Variants in POU6F2 observed in about 807,000 individuals in gnomAD.
POU6F2 encodes the protein POU class 6 homeobox 2, also known as POU domain, class 6, transcription factor 2.
A neutral mutation model predicts 71.3 loss-of-function variants in POU6F2; 31 were observed. That is an observed-to-expected ratio of 0.43 (90% CI 0.33 to 0.59). The LOEUF (loss-of-function observed/expected upper bound fraction) is 0.59. Ranked by LOEUF, POU6F2 falls within the 20% of genes least tolerant of loss-of-function variation. The probability of loss-of-function intolerance (pLI) is 0.04; values close to 1 mark genes in which losing one functional copy is unlikely to be tolerated. For synonymous variants in POU6F2, 347 were observed against 355.7 expected (o/e 0.98, Z 0.27); for missense variants, 783 against 856.8 (o/e 0.91, Z 1.07).
At chr7:39,242,568 A>C (rs1294666567) in intron 4 of POU6F2, among the ~76,000 whole-genome samples, 2 of 152,022 alleles carry the variant, frequency 1.3e-5, no homozygotes, top group African/African-American at 4.8e-5. Flanking sequence ...GATATGGTAA[A>C]ATCAAAGCTT....
chr7:39,007,919 T>C (rs1215349293), intron 1 of POU6F2, among the ~76,000 whole-genome samples: 1 of 151,608 alleles, frequency 6.6e-6, no homozygotes, highest in Non-Finnish European at 1.5e-5. Context: ...CTTAATCCAG[T>C]CTATCATTGT....
intron 4 of POU6F2, among the ~76,000 whole-genome samples, chr7:39,258,656 A>G (rs1784071057): frequency 6.6e-6 from 1 of 151,966 alleles, no homozygotes; most frequent in South Asian, 2.1e-4. Flanking sequence ...ACCAATAGCC[A>G]CAAATTGTTT....
At chr7:39,236,289 G>T (rs1794674949) in intron 4 of POU6F2, among the ~76,000 whole-genome samples, 1 of 151,992 alleles carries the variant, frequency 6.6e-6, no homozygotes, top group Non-Finnish European at 1.5e-5. Context: ...AGTACTCTGA[G>T]AATATAACTA....
At position 39,227,342 on chromosome 7, in the gene POU6F2, A is replaced by G. The variant is rs557201068; in HGVS notation, c.598+19722A>G. On this transcript the variant is annotated intron_variant, in intron 4 of 9. Coordinates refer to ENST00000518318, the MANE Select transcript of POU6F2 (RefSeq NM_001370959.1). ...TCTTTATTTTTCTATTTTCTCTAAT[A>G]AGAAAAGTGCTAGTCATTTCAGGAA... is the stretch of plus-strand genomic sequence containing the variant. Among the ~76,000 whole-genome samples, 4 of 152,144 alleles carry G rather than the reference A, an allele frequency of 2.6e-5. No individual in the cohort carries two copies. In the South Asian group the frequency reaches 8.3e-4, roughly 32 times the overall value.
In POU6F2 at chr7:39,467,303, G is replaced by A. The variant is rs1789094665; in HGVS notation, c.*2617G>A. Reference sequence around the variant, plus strand: ...AAAAAGGTGCCTGAACCGATTCTTAGGAATATAAATTATACTGTGTAACTC... The same window carrying A: ...AAAAAGGTGCCTGAACCGATTCTTAAGAATATAAATTATACTGTGTAACTC... On this transcript the variant is annotated 3_prime_UTR_variant, in exon 10 of 10. Coordinates refer to ENST00000518318, the MANE Select transcript of POU6F2 (RefSeq NM_001370959.1). 6.6e-6 allele frequency: 1 copy of A among 152,048 alleles called. No individual in the cohort carries two copies. 9.4% of individuals were successfully genotyped at this position (152,048 alleles called of 1,614,324 possible). A position where few individuals can be genotyped will look rare whatever the true frequency, so the allele number is the denominator to read the frequency against.
At chr7:39,356,064 C>G (rs188594341) in intron 5 of POU6F2, among the ~76,000 whole-genome samples, 1 of 152,202 alleles carries the variant, frequency 6.6e-6, no homozygotes, top group African/African-American at 2.4e-5. Flanking sequence ...CCCACCTACT[C>G]TGGCCCCAAG....
intron 1 of POU6F2, among the ~76,000 whole-genome samples, chr7:39,006,189 C>T (rs922381391): frequency 1.1e-4 from 17 of 152,108 alleles, no homozygotes; most frequent in African/African-American, 3.1e-4. Flanking sequence ...TTGGGCCGGG[C>T]GCGGTGGCTC....
In POU6F2 at chr7:39,204,337, C is replaced by T; in HGVS notation, c.369+11C>T. ...CCAGTTGGGCCACAGGTCAGTATCTCTCAACTGCTTTCCACTGGGCTGCAT... is the reference window on the plus strand; with the variant it reads ...CCAGTTGGGCCACAGGTCAGTATCTTTCAACTGCTTTCCACTGGGCTGCAT... On this transcript the variant is annotated intron_variant, in intron 3 of 9. Coordinates refer to ENST00000518318, the MANE Select transcript of POU6F2 (RefSeq NM_001370959.1). The T allele has an allele frequency of 6.2e-7, 1 of 1,601,268 alleles. No homozygotes were observed. The highest frequency in any genetic ancestry group is 1.1e-5 in the South Asian group (1 of 90,502).
chr7:39,184,005 G>A (rs1272762251), intron 2 of POU6F2, among the ~76,000 whole-genome samples: 8 of 152,206 alleles, frequency 5.3e-5, no homozygotes, highest in African/African-American at 1.9e-4. Flanking sequence ...GTAAGTCCAG[G>A]CTGACACCTG....
At chr7:39,413,264 G>A (rs1400633068) in intron 6 of POU6F2, among the ~76,000 whole-genome samples, 1 of 151,970 alleles carries the variant, frequency 6.6e-6, no homozygotes, top group Non-Finnish European at 1.5e-5. Flanking sequence ...CCATTCCCAA[G>A]GTGATTACCA....
chr7:39,256,031 A>T (rs901997751), intron 4 of POU6F2, among the ~76,000 whole-genome samples: 6 of 152,150 alleles, frequency 3.9e-5, no homozygotes, highest in Non-Finnish European at 7.4e-5. Flanking sequence ...GGATTGATGG[A>T]TTCAAGAAGG....
intron 4 of POU6F2, among the ~76,000 whole-genome samples, chr7:39,272,067 G>A (rs1403359575): frequency 6.6e-6 from 1 of 152,070 alleles, no homozygotes; most frequent in Non-Finnish European, 1.5e-5. Context: ...TTAGATGGTA[G>A]ATTTGGAGAT....
At chr7:39,092,221 A>T (rs533148669) in intron 2 of POU6F2, among the ~76,000 whole-genome samples, 18 of 152,332 alleles carry the variant, frequency 1.2e-4, no homozygotes, top group East Asian at 9.6e-4. Flanking sequence ...ATAAATTTTT[A>T]AAAAATATCC....
chr7:39,101,956 T>C (rs578196681), intron 2 of POU6F2, among the ~76,000 whole-genome samples: 1 of 152,342 alleles, frequency 6.6e-6, no homozygotes, highest in South Asian at 2.1e-4. Flanking sequence ...AATTTGCTCA[T>C]GAAAATGGCA....
At position 39,419,079 on chromosome 7, in the gene POU6F2, ATATACG is replaced by A. The variant is rs1562544473; in HGVS notation, c.1113+12344_1113+12349del. Reference sequence around the variant, plus strand: ...CATATATACACATATATACACACATATATACGTATATGTGTATATATACACATATAT... The same window carrying A: ...CATATATACACATATATACACACATATATATGTGTATATATACACATATAT... On this transcript the variant is annotated intron_variant, in intron 6 of 9. Transcript: ENST00000518318. Among the ~76,000 whole-genome samples, 20 of 141,242 alleles carry A rather than the reference ATATACG, an allele frequency of 1.4e-4. No homozygotes were observed. In the Middle Eastern group the frequency reaches 0.011, roughly 77 times the overall value. The allele number at this position is 141,242 out of a possible 152,430, so 92.7% of individuals were successfully genotyped here.
At chr7:38,980,425 G>A (rs1297003526) in intron 1 of POU6F2, among the ~76,000 whole-genome samples, 2 of 152,120 alleles carry the variant, frequency 1.3e-5, no homozygotes, top group African/African-American at 4.8e-5. Context: ...ATATAAAAAA[G>A]AAAGGTGGTA....
chr7:39,002,144 T>C (rs1788933970), intron 1 of POU6F2: 1 of 152,208 alleles, frequency 6.6e-6, no homozygotes, highest in African/African-American at 2.4e-5. Context: ...AATTTACTCT[T>C]GAATGTACAC....
chr7:39,304,152 C>T (rs751177590), intron 4 of POU6F2, among the ~76,000 whole-genome samples: 29 of 151,870 alleles, frequency 1.9e-4, no homozygotes, highest in East Asian at 1.3e-3. Flanking sequence ...AAAAGCCCAC[C>T]GAAATGAAAA....
At chr7:39,395,592 C>T (rs1178089454) in intron 5 of POU6F2, among the ~76,000 whole-genome samples, 1 of 152,182 alleles carries the variant, frequency 6.6e-6, no homozygotes, top group Non-Finnish European at 1.5e-5. Context: ...ATCTCTGTGT[C>T]CCTGGGGGCT....
Sources: gnomAD v4.1 joint callset for allele counts (sites outside exome capture counted in the v4.1 genomes callset) on GRCh38, gnomAD v4.1.1 for gene constraint, MANE v1.5 for transcripts, NCBI Gene and HGNC (gene_info 2026-07-23, HGNC 2026-07-21) for gene names.